EPHA6: variants seen among roughly 807,000 people sequenced by gnomAD.
EPHA6 encodes ephrin type-A receptor 6.
EPHA6 carries 50 observed loss-of-function variants against 112.0 expected under a neutral mutation model. That is an observed-to-expected ratio of 0.45 (90% CI 0.36 to 0.56). The LOEUF is 0.56. Ranked by LOEUF, EPHA6 falls within the 20% of genes least tolerant of loss-of-function variation. The pLI, the probability that EPHA6 is intolerant of heterozygous loss-of-function variation, is 0.00. For synonymous variants in EPHA6, 529 were observed against 490.7 expected (o/e 1.08, Z -1.03); for missense variants, 1,280 against 1,417.4 (o/e 0.90, Z 1.56).
At chr3:96,835,826 C>G (rs1030428582) in intron 1 of EPHA6, among the ~76,000 whole-genome samples, 2 of 152,090 alleles carry the variant, frequency 1.3e-5, no homozygotes, top group Non-Finnish European at 2.9e-5. Flanking sequence ...AGTAGACCCA[C>G]ATAAGTATTG....
At chr3:97,481,498 G>GGTTCTTCCTC in intron 9 of EPHA6, 1 of 1,122,984 alleles carries the variant, frequency 8.9e-7, no homozygotes, top group Non-Finnish European at 1.3e-6. Context: ...CCATAGTTCC[G>GGTTCTTCCTC]GTTCTTCCTC....
chr3:97,548,411 T>C (rs1411034944), intron 11 of EPHA6, among the ~76,000 whole-genome samples: 2 of 152,216 alleles, frequency 1.3e-5, no homozygotes, highest in African/African-American at 2.4e-5. Flanking sequence ...TATTTTTCCC[T>C]TTTTGTAAAA....
At chr3:97,029,859 T>C (rs908095729) in intron 3 of EPHA6, among the ~76,000 whole-genome samples, 1 of 152,058 alleles carries the variant, frequency 6.6e-6, no homozygotes, top group Non-Finnish European at 1.5e-5. Context: ...ACCCAAAAAA[T>C]TAACAATACT....
chr3:97,079,606 T>TAAAAAAAAAAAA (rs71113851), intron 3 of EPHA6, among the ~76,000 whole-genome samples: 16 of 113,264 alleles, frequency 1.4e-4, no homozygotes, highest in Non-Finnish European at 1.3e-4. Context: ...AAATTAAAAG[T>TAAAAAAAAAAAA]AAAAAAAAAA....
chr3:97,698,602 T>C (rs1365918558), intron 14 of EPHA6, among the ~76,000 whole-genome samples: 2 of 152,164 alleles, frequency 1.3e-5, no homozygotes, highest in African/African-American at 4.8e-5. Flanking sequence ...TTATAGGACA[T>C]TTTTATTCAC....
chr3:97,536,768 T>C (rs946094891), intron 11 of EPHA6, among the ~76,000 whole-genome samples: 1 of 152,158 alleles, frequency 6.6e-6, no homozygotes, highest in Non-Finnish European at 1.5e-5. Context: ...TCTGCTACTG[T>C]ATTACTGTAT....
At chr3:97,361,197 C>T (rs563611529) in intron 5 of EPHA6, among the ~76,000 whole-genome samples, 2 of 152,268 alleles carry the variant, frequency 1.3e-5, no homozygotes, top group East Asian at 3.9e-4. Flanking sequence ...TTAATGTGTA[C>T]ACCTAGAGTT....
intron 11 of EPHA6, among the ~76,000 whole-genome samples, chr3:97,559,412 A>G (rs1837093): frequency 0.016 from 2,454 of 152,110 alleles, 57 homozygotes; most frequent in African/African-American, 0.051. Flanking sequence ...AAGGCAGGAC[A>G]TACAGCTCAA....
At chr3:97,605,072 G>T (rs2093670704) in intron 12 of EPHA6, among the ~76,000 whole-genome samples, 1 of 151,514 alleles carries the variant, frequency 6.6e-6, no homozygotes, top group South Asian at 2.1e-4. Context: ...TACCGTAAGT[G>T]TTCTAAAATT....
chr3:96,956,704 T>A (rs1466519126), intron 2 of EPHA6, among the ~76,000 whole-genome samples: 1 of 151,984 alleles, frequency 6.6e-6, no homozygotes, highest in Non-Finnish European at 1.5e-5. Flanking sequence ...GTTGTCCCAA[T>A]ACACAAACCC....
At chr3:97,305,946 A>C (rs2108737042) in intron 5 of EPHA6, among the ~76,000 whole-genome samples, 1 of 152,062 alleles carries the variant, frequency 6.6e-6, no homozygotes, top group African/African-American at 2.4e-5. Context: ...AAATATTTTA[A>C]ATTGTACATA....
At chr3:96,859,935 A>AGC (rs1251953450) in intron 1 of EPHA6, among the ~76,000 whole-genome samples, 12 of 152,210 alleles carry the variant, frequency 7.9e-5, no homozygotes, top group Middle Eastern at 6.8e-3. Flanking sequence ...AGGGCATTTT[A>AGC]ATCTGTTCTG....
chr3:97,031,554 A>G lies in EPHA6; in HGVS notation c.1114+43561A>G, dbSNP rs189985632. ...ATTTTTGCAACCTACTCATCTGACA[A>G]AGGGCTAATACCCAGAATCTACAAT... On this transcript the variant is annotated intron_variant, in intron 3 of 17. Transcript: ENST00000389672. Among the ~76,000 whole-genome samples the G allele has an allele frequency of 4.8e-3, 738 of 152,252 alleles. 4 individuals carry two copies. Among genetic ancestry groups the G allele is most frequent in the African/African-American group, 0.016 (657 of 41,566 alleles).
intron 16 of EPHA6, among the ~76,000 whole-genome samples, chr3:97,739,605 T>A (rs1463163251): frequency 6.6e-6 from 1 of 152,138 alleles, no homozygotes; most frequent in Non-Finnish European, 1.5e-5. Flanking sequence ...ATTGAAAACA[T>A]GTTGGTCATA....
At chr3:97,471,951 C>A (rs2091242766) in intron 7 of EPHA6, among the ~76,000 whole-genome samples, 1 of 151,674 alleles carries the variant, frequency 6.6e-6, no homozygotes, top group Non-Finnish European at 1.5e-5. Flanking sequence ...TCTCTTCTTG[C>A]TTCTGGTGTC....
At chr3:97,162,583 C>T (rs544939669) in intron 3 of EPHA6, among the ~76,000 whole-genome samples, 2 of 152,176 alleles carry the variant, frequency 1.3e-5, no homozygotes, top group African/African-American at 2.4e-5. Flanking sequence ...CCTGGAAGAT[C>T]GGATTATTCA....
At chr3:96,946,696 G>A (rs998060343) in intron 2 of EPHA6, among the ~76,000 whole-genome samples, 3 of 152,124 alleles carry the variant, frequency 2.0e-5, no homozygotes, top group Non-Finnish European at 2.9e-5. Context: ...ACCCAGTAAC[G>A]GGATGGCTGG....
rs77489810 is a variant in EPHA6 at position 97,091,683 on chromosome 3, G to T, written c.1114+103690G>T. 9.9e-3 allele frequency among the ~76,000 whole-genome samples: 1,509 copies of T among 152,176 alleles called. 17 individuals carry two copies. The highest frequency in any genetic ancestry group is 0.035 in the African/African-American group (1,450 of 41,540). ...AAATAATATTTGTGGTGATTAAAGGGAGAATGACCACATTCTATTTAGTGT... is the reference window on the plus strand; with the variant it reads ...AAATAATATTTGTGGTGATTAAAGGTAGAATGACCACATTCTATTTAGTGT... On this transcript the variant is annotated intron_variant, in intron 3 of 17. Transcript: ENST00000389672.
At chr3:97,033,447 A>G (rs1409506695) in intron 3 of EPHA6, among the ~76,000 whole-genome samples, 1 of 152,002 alleles carries the variant, frequency 6.6e-6, no homozygotes, top group Non-Finnish European at 1.5e-5. Context: ...TTATCCACAT[A>G]TATCATGGAT....
Sources: gnomAD v4.1 joint callset for allele counts (sites outside exome capture counted in the v4.1 genomes callset) on GRCh38, gnomAD v4.1.1 for gene constraint, MANE v1.5 for transcripts, NCBI Gene and HGNC (gene_info 2026-07-23, HGNC 2026-07-21) for gene names.